The following KCNAB1 variants were observed in gnomAD, a reference collection of about 807,000 sequenced individuals.
KCNAB1 encodes voltage-gated potassium channel subunit beta-1.
A neutral mutation model predicts 64.6 loss-of-function variants in KCNAB1; 35 were observed. The ratio of observed to expected loss-of-function variants is 0.54; its 90% CI spans 0.41 to 0.72. KCNAB1 has a LOEUF of 0.72. Ranked by LOEUF, KCNAB1 falls within the 30% of genes least tolerant of loss-of-function variation. The pLI, the probability that KCNAB1 is intolerant of heterozygous loss-of-function variation, is 0.00. For synonymous variants in KCNAB1, 177 were observed against 183.8 expected (o/e 0.96, Z 0.30); for missense variants, 401 against 512.9 (o/e 0.78, Z 2.11).
chr3:156,480,910 T>C (rs1450742806), intron 8 of KCNAB1, among the ~76,000 whole-genome samples: 1 of 152,122 alleles, frequency 6.6e-6, no homozygotes, highest in Non-Finnish European at 1.5e-5. Flanking sequence ...GCTGGATGAA[T>C]GACTGAGCAA....
intron 1 of KCNAB1, among the ~76,000 whole-genome samples, chr3:156,290,519 T>A (rs1720340691): frequency 6.6e-6 from 1 of 152,200 alleles, no homozygotes; most frequent in Non-Finnish European, 1.5e-5. Flanking sequence ...TCAGTCACAT[T>A]TATTGAGCAA....
chr3:156,335,006 C>T (rs1023395802), intron 1 of KCNAB1, among the ~76,000 whole-genome samples: 3 of 152,228 alleles, frequency 2.0e-5, no homozygotes, highest in Non-Finnish European at 2.9e-5. Flanking sequence ...CTAGAGCCTG[C>T]TGCTAAATTG....
chr3:156,337,885 G>A (rs375281455), intron 1 of KCNAB1, among the ~76,000 whole-genome samples: 10 of 152,128 alleles, frequency 6.6e-5, no homozygotes, highest in East Asian at 3.9e-4. Flanking sequence ...CTTTCTTTAT[G>A]CCGTGTCACA....
chr3:156,451,347 A>G (rs1024442034), intron 2 of KCNAB1, among the ~76,000 whole-genome samples: 1 of 152,254 alleles, frequency 6.6e-6, no homozygotes, highest in African/African-American at 2.4e-5. Context: ...GAGAAAAGGT[A>G]CAATTATATG....
intron 1 of KCNAB1, among the ~76,000 whole-genome samples, chr3:156,301,722 T>G (rs1721167517): frequency 6.6e-6 from 1 of 152,328 alleles, no homozygotes; most frequent in South Asian, 2.1e-4. Flanking sequence ...GCTTGGATCT[T>G]AGTTCATAAA....
intron 1 of KCNAB1, among the ~76,000 whole-genome samples, chr3:156,179,345 G>A (rs977448004): frequency 2.0e-5 from 3 of 151,612 alleles, no homozygotes; most frequent in African/African-American, 7.3e-5. Context: ...TTCCATTCCA[G>A]AAGGGGGGAT....
intron 1 of KCNAB1, among the ~76,000 whole-genome samples, chr3:156,182,650 T>C (rs1445546825): frequency 1.3e-5 from 2 of 151,434 alleles, no homozygotes; most frequent in Non-Finnish European, 2.9e-5. Flanking sequence ...GGTCTTATCT[T>C]TTCTACCCAA....
chr3:156,422,486 AG>A (rs1424715943), intron 2 of KCNAB1, among the ~76,000 whole-genome samples: 1 of 152,276 alleles, frequency 6.6e-6, no homozygotes, highest in African/African-American at 2.4e-5. Flanking sequence ...GACAGAAAAA[AG>A]TCAAGGATGA....
At chr3:156,275,739 A>G (rs530628481) in intron 1 of KCNAB1, among the ~76,000 whole-genome samples, 2 of 152,334 alleles carry the variant, frequency 1.3e-5, no homozygotes, top group African/African-American at 4.8e-5. Context: ...ATGTCTGACC[A>G]TGAGTTGCAT....
chr3:156,471,792 G>C (rs1713921571), intron 7 of KCNAB1, among the ~76,000 whole-genome samples: 1 of 152,118 alleles, frequency 6.6e-6, no homozygotes. Context: ...TCTTAATGTT[G>C]ATTTCATTTA....
intron 8 of KCNAB1, among the ~76,000 whole-genome samples, chr3:156,496,604 T>C (rs1716030382): frequency 6.6e-6 from 1 of 152,226 alleles, no homozygotes; most frequent in Non-Finnish European, 1.5e-5. Context: ...ACATATGGTA[T>C]AGAACGTTTG....
At chr3:156,180,120 C>A (rs1259957433) in intron 1 of KCNAB1, among the ~76,000 whole-genome samples, 3 of 152,212 alleles carry the variant, frequency 2.0e-5, no homozygotes, top group Non-Finnish European at 4.4e-5. Context: ...AGAGGTCACT[C>A]AGCCTATAAA....
intron 1 of KCNAB1, among the ~76,000 whole-genome samples, chr3:156,283,798 C>T (rs945040707): frequency 2.0e-5 from 3 of 152,102 alleles, no homozygotes; most frequent in Admixed American, 2.0e-4. Context: ...AGTTCTGGAG[C>T]CTTGGTTTTC....
chr3:156,495,156 G>C (rs1157789540), intron 8 of KCNAB1, among the ~76,000 whole-genome samples: 1 of 152,272 alleles, frequency 6.6e-6, no homozygotes, highest in South Asian at 2.1e-4. Flanking sequence ...GTTTGCTAGA[G>C]ATAATGGCCT....
At chr3:156,447,091 T>C (rs1406097263) in intron 2 of KCNAB1, among the ~76,000 whole-genome samples, 1 of 152,164 alleles carries the variant, frequency 6.6e-6, no homozygotes, top group Non-Finnish European at 1.5e-5. Flanking sequence ...GATAAGCGCC[T>C]GGTGAGCCCC....
intron 1 of KCNAB1, among the ~76,000 whole-genome samples, chr3:156,134,637 A>G (rs371705059): frequency 6.6e-6 from 1 of 152,228 alleles, no homozygotes; most frequent in South Asian, 2.1e-4. Flanking sequence ...GAAAATGTCA[A>G]ATGCTGAAAT....
downstream of KCNAB1, chr3:156,539,027 G>GTTAGT (rs1203412620): frequency 6.8e-6 from 1 of 146,420 alleles, no homozygotes; most frequent in Non-Finnish European, 1.5e-5. Flanking sequence ...TTCACAGTTA[G>GTTAGT]TTAGTTAGTT....
chr3:156,394,233 T>G (rs1713259926), intron 1 of KCNAB1, among the ~76,000 whole-genome samples: 1 of 152,238 alleles, frequency 6.6e-6, no homozygotes, highest in Non-Finnish European at 1.5e-5. Flanking sequence ...AAACTCCATT[T>G]GTATTAGCTT....
At chr3:156,191,932 A>C (rs1381969858) in intron 1 of KCNAB1, among the ~76,000 whole-genome samples, 6 of 152,196 alleles carry the variant, frequency 3.9e-5, no homozygotes, top group Non-Finnish European at 8.8e-5. Flanking sequence ...GTTTTCCTTT[A>C]CTGTTGGCTA....
Sources: gnomAD v4.1 joint callset for allele counts (sites outside exome capture counted in the v4.1 genomes callset) on GRCh38, gnomAD v4.1.1 for gene constraint, MANE v1.5 for transcripts, NCBI Gene and HGNC (gene_info 2026-07-23, HGNC 2026-07-21) for gene names.